Variants in KLHL29 observed in about 807,000 individuals in gnomAD.
The protein encoded by KLHL29 is kelch-like protein 29.
A neutral mutation model predicts 80.4 loss-of-function variants in KLHL29; 21 were observed. The ratio of observed to expected loss-of-function variants is 0.26; its 90% CI spans 0.19 to 0.38. KLHL29 has a LOEUF of 0.38. KLHL29 is among the 10% of genes least tolerant of loss of function. KLHL29 has a pLI of 1.00. For missense variants in KLHL29, 867 were observed against 1,223.9 expected (o/e 0.71, Z 4.35); for synonymous variants, 511 against 526.8 (o/e 0.97, Z 0.41).
chr2:23,387,995 C>G (rs1249550944), intron 1 of KLHL29, among the ~76,000 whole-genome samples: 1 of 152,130 alleles, frequency 6.6e-6, no homozygotes, highest in South Asian at 2.1e-4. Flanking sequence ...ATTTATAGGT[C>G]TCCAACTTTC....
At chr2:23,679,022 A>G (rs935704767) in intron 5 of KLHL29, among the ~76,000 whole-genome samples, 3 of 149,498 alleles carry the variant, frequency 2.0e-5, no homozygotes, top group Non-Finnish European at 3.0e-5. Context: ...TGAACTGGAC[A>G]CTTTAAAATG....
rs914873300 is a variant in KLHL29 at position 23,695,822 on chromosome 2, G to A, written c.1741+1G>A. The A allele has an allele frequency of 3.9e-6, 6 of 1,547,328 alleles. 1 individual carries two copies. The Admixed American group carries it at 5.9e-5, about 15-fold the overall frequency. ...CGAACCCGGCCGCGCCTCTCTGCAGGTATGAAGGGGCACGCCCCGAACCTC... is the reference window on the plus strand; with the variant it reads ...CGAACCCGGCCGCGCCTCTCTGCAGATATGAAGGGGCACGCCCCGAACCTC... On this transcript the variant is annotated splice_donor_variant, in intron 9 of 13. Transcript: ENST00000486442. LOFTEE classifies it high-confidence loss of function. This position sits in a 1 kb window ranked among gnomAD's most constrained non-coding sequence, Gnocchi z 7.6.
At chr2:23,425,643 C>G (rs142565677) in intron 1 of KLHL29, among the ~76,000 whole-genome samples, 229 of 152,326 alleles carry the variant, frequency 1.5e-3, no homozygotes, top group Middle Eastern at 0.01. Flanking sequence ...AGTGTCCCCC[C>G]AGACTGCAGC....
intron 5 of KLHL29, among the ~76,000 whole-genome samples, chr2:23,670,571 C>T (rs996407324): frequency 2.6e-5 from 4 of 152,156 alleles, no homozygotes; most frequent in Admixed American, 1.3e-4. Flanking sequence ...GACTCTGTGC[C>T]AGGGCCTGCG....
intron 2 of KLHL29, among the ~76,000 whole-genome samples, chr2:23,517,730 G>A (rs1378751254): frequency 1.3e-5 from 2 of 152,182 alleles, no homozygotes; most frequent in African/African-American, 4.8e-5. Flanking sequence ...CTGAATGGAT[G>A]GCTGCCCAGG....
intron 1 of KLHL29, among the ~76,000 whole-genome samples, chr2:23,410,618 CT>C (rs1666839515): frequency 6.6e-6 from 1 of 151,992 alleles, no homozygotes; most frequent in South Asian, 2.1e-4. Context: ...AGAGAAGAAT[CT>C]TAGTAGTAAG....
chr2:23,409,213 A>G (rs796398824), intron 1 of KLHL29, among the ~76,000 whole-genome samples: 3 of 152,298 alleles, frequency 2.0e-5, no homozygotes, highest in African/African-American at 7.2e-5. Context: ...TGAAGAGAGC[A>G]AAGAAGAAGA....
At chr2:23,456,659 T>C (rs367968399) in intron 1 of KLHL29, among the ~76,000 whole-genome samples, 104 of 152,356 alleles carry the variant, frequency 6.8e-4, no homozygotes, top group African/African-American at 2.4e-3. Context: ...CGTTTTCTGT[T>C]CCTGCCACAT....
At chr2:23,390,863 A>G (rs942973899) in intron 1 of KLHL29, among the ~76,000 whole-genome samples, 1 of 152,120 alleles carries the variant, frequency 6.6e-6, no homozygotes, top group South Asian at 2.1e-4. Flanking sequence ...CATGTTGGCC[A>G]GGCTGGTCTC....
chr2:23,642,765 C>A lies in KLHL29; in HGVS notation c.855C>A (p.Pro285=), dbSNP rs746631873. The change falls in exon 5 of 14, where the codon CCC becomes CCA. Residue 285 remains proline (P), a synonymous_variant. Coordinates refer to ENST00000486442, the MANE Select transcript of KLHL29 (RefSeq NM_052920.2). ...GTGCCCCTGCCACCAATGGGCCCCC[C>A]ACAACCGACTCGGCCCACGGGCTGC... ...PSGAPATNGP[P]TTDSAHGLQM... is the part of the protein sequence containing the mutation. The A allele has an allele frequency of 1.3e-6, 2 of 1,550,414 alleles. No individual in the cohort carries two copies. The highest frequency in any genetic ancestry group is 1.7e-6 in the Non-Finnish European group (2 of 1,146,876).
rs1276310107 is a variant in KLHL29, at chr2:23,620,167, G to A, written c.286-18972G>A. Among the ~76,000 whole-genome samples, 4 of 152,146 alleles carry A rather than the reference G, an allele frequency of 2.6e-5. No individual in the cohort carries two copies. The East Asian group carries it at 5.8e-4, about 22-fold the overall frequency. ...TTAGGCTGATGTGTGGAGATTGGAC[G>A]CAGCAAACCACATGAGGGTGCTGGC... On this transcript the variant is annotated intron_variant, in intron 3 of 13. Coordinates refer to ENST00000486442, the MANE Select transcript of KLHL29 (RefSeq NM_052920.2).
intron 3 of KLHL29, among the ~76,000 whole-genome samples, chr2:23,563,817 C>T (rs1318080098): frequency 6.6e-6 from 1 of 152,184 alleles, no homozygotes; most frequent in Non-Finnish European, 1.5e-5. Flanking sequence ...TTTTATTTTC[C>T]TGTTATGAAA....
rs529829987 is a variant in KLHL29 at position 23,684,788 on chromosome 2, T to G, written c.1079+251T>G. Among the ~76,000 whole-genome samples the G allele has an allele frequency of 6.6e-6, 1 of 152,194 alleles. No individual in the cohort carries two copies. The highest frequency in any genetic ancestry group is 6.5e-5 in the Admixed American group (1 of 15,288). ...CCAGCTTTGCTGGTCACCAGGGGCC[T>G]CTGCCAGCAGTAGACAACACCGTGC... On this transcript the variant is annotated intron_variant, in intron 6 of 13. Coordinates refer to ENST00000486442, the MANE Select transcript of KLHL29 (RefSeq NM_052920.2). This position sits in a 1 kb window ranked among gnomAD's most constrained non-coding sequence, Gnocchi z 4.4.
At chr2:23,482,829 ATT>A (rs1290528699) in intron 2 of KLHL29, among the ~76,000 whole-genome samples, 9 of 160 alleles carry the variant, frequency 0.056, no homozygotes, top group East Asian at 0.5. Flanking sequence ...ACGCTCACTC[ATT>A]CATTCATTCA....
At chr2:23,501,645 A>AT (rs1374143563) in intron 2 of KLHL29, among the ~76,000 whole-genome samples, 1 of 152,092 alleles carries the variant, frequency 6.6e-6, no homozygotes, top group East Asian at 1.9e-4. Context: ...AACGTTTCTG[A>AT]TTTTTAACTG....
chr2:23,437,123 T>G (rs1326674129), intron 1 of KLHL29, among the ~76,000 whole-genome samples: 1 of 152,198 alleles, frequency 6.6e-6, no homozygotes, highest in Non-Finnish European at 1.5e-5. Context: ...GCGGAATGTG[T>G]GGGCAAAGTG....
intron 1 of KLHL29, among the ~76,000 whole-genome samples, chr2:23,437,764 T>C (rs527340454): frequency 7.2e-5 from 11 of 152,344 alleles, no homozygotes; most frequent in African/African-American, 2.4e-4. Flanking sequence ...GCTTTGTTCT[T>C]TTGGCTCAGG....
At chr2:23,391,042 A>G (rs1327015239) in intron 1 of KLHL29, among the ~76,000 whole-genome samples, 1 of 152,162 alleles carries the variant, frequency 6.6e-6, no homozygotes, top group East Asian at 1.9e-4. Flanking sequence ...TACCCGTTAA[A>G]CATCATGTCC....
At position 23,639,269 on chromosome 2, in the gene KLHL29, G is replaced by A. The variant is rs1173388681; in HGVS notation, c.416G>A (p.Ser139Asn). ...DEPPSKQMRE[S>N]DNPGTGPWVT... ...CCACCCTCCAAACAGATGAGAGAGA[G>A]TGACAATCCAGGTACGTACCTCATC... is the stretch of plus-strand genomic sequence containing the variant. Residue 139 changes from serine (S) to asparagine (N), a missense_variant, in exon 4 of 14, where the codon AGT becomes AAT. By Grantham distance (46) the Ser-to-Asn change is conservative. This residue lies in a region of KLHL29 where 424 missense variants were observed against 456.9 expected (regional missense o/e 0.93). Coordinates refer to ENST00000486442, the MANE Select transcript of KLHL29 (RefSeq NM_052920.2). 2.6e-6 allele frequency: 4 copies of A among 1,547,752 alleles called. No individual in the cohort carries two copies. Among genetic ancestry groups the A allele is most frequent in the Non-Finnish European group, 3.5e-6 (4 of 1,145,292 alleles).
Sources: gnomAD v4.1 joint callset for allele counts (sites outside exome capture counted in the v4.1 genomes callset) on GRCh38, gnomAD v4.1.1 for gene constraint, gnomAD v4.1.1 regional missense constraint, Gnocchi (gnomAD v3.1) non-coding constraint, MANE v1.5 for transcripts, NCBI Gene and HGNC (gene_info 2026-07-23, HGNC 2026-07-21) for gene names.